Variants in HIVEP2 observed in about 807,000 individuals in gnomAD.
HIVEP2 encodes HIVEP zinc finger 2.
A neutral mutation model predicts 180.7 loss-of-function variants in HIVEP2; 14 were observed. That is an observed-to-expected ratio of 0.08 (90% CI 0.05 to 0.12). HIVEP2 has a LOEUF of 0.12. Among genes scored for constraint, HIVEP2 ranks in the 10% least tolerant of loss-of-function variants. HIVEP2 has a pLI of 1.00. For synonymous variants in HIVEP2, 1,184 were observed against 1,136.4 expected, an observed-to-expected ratio of 1.04 and a Z score of -0.84; for missense variants, 2,579 against 3,008.5, an observed-to-expected ratio of 0.86 and a Z score of 3.34.
At chr6:142,926,676 G>A (rs1054136962) in intron 1 of HIVEP2, among the ~76,000 whole-genome samples, 2 of 152,170 alleles carry the variant, frequency 1.3e-5, no homozygotes, top group Non-Finnish European at 2.9e-5. Context: ...TGGTCCCCGC[G>A]AGCCCAACTG....
At chr6:142,897,477 C>T (rs1050233072) in intron 1 of HIVEP2, among the ~76,000 whole-genome samples, 5 of 151,994 alleles carry the variant, frequency 3.3e-5, no homozygotes, top group Admixed American at 6.5e-5. Context: ...AATGGTAGAA[C>T]GAAGAGATTA....
Position 142,774,096 on chromosome 6 carries a change from G to T in HIVEP2, c.643C>A (p.Arg215=), listed in dbSNP as rs757837404. ...CCACAAGGTATACATGGATATGGCC[G>T]CTCCCCAGTATGGGACCTGATGTGT... ...KKHIRSHTGE[R]PYPCIPCGFS... The change falls in exon 5 of 10, where the codon CGG becomes AGG. Residue 215 remains arginine, a synonymous_variant. Transcript: ENST00000367603. The surrounding 1 kb of genome is among the most constrained non-coding windows in gnomAD (Gnocchi z 5.1). 1.7e-5 allele frequency: 27 copies of T among 1,614,128 alleles called. No individual in the cohort carries two copies. The highest frequency in any genetic ancestry group is 2.3e-5 in the Non-Finnish European group (27 of 1,180,022).
intron 2 of HIVEP2, among the ~76,000 whole-genome samples, chr6:142,820,885 G>A (rs1199009245): frequency 6.6e-6 from 1 of 152,114 alleles, no homozygotes; most frequent in Non-Finnish European, 1.5e-5. Flanking sequence ...TTCTCAGCCA[G>A]CACTCAGATT....
intron 2 of HIVEP2, among the ~76,000 whole-genome samples, chr6:142,803,773 C>G (rs1244459539): frequency 6.6e-6 from 1 of 152,088 alleles, no homozygotes; most frequent in African/African-American, 2.4e-5. Flanking sequence ...TAATCAAGGG[C>G]CACAATTCAC....
chr6:142,944,312 C>T (rs892495818), intron 1 of HIVEP2, among the ~76,000 whole-genome samples: 2 of 151,398 alleles, frequency 1.3e-5, no homozygotes, highest in Non-Finnish European at 2.9e-5. Flanking sequence ...GCGTATAAAG[C>T]GCACCGATCT....
chr6:142,780,699 T>C (rs945454653), intron 3 of HIVEP2, among the ~76,000 whole-genome samples: 4 of 152,244 alleles, frequency 2.6e-5, no homozygotes, highest in African/African-American at 7.2e-5. Flanking sequence ...AATCTATTAC[T>C]GAACATGGCA....
chr6:142,900,804 T>A (rs977733399), intron 1 of HIVEP2, among the ~76,000 whole-genome samples: 1 of 152,084 alleles, frequency 6.6e-6, no homozygotes, highest in African/African-American at 2.4e-5. Flanking sequence ...AATACACACA[T>A]AAAAATGCGT....
rs545845759 is a variant in HIVEP2, at chr6:142,916,248, G to A, written c.-641+28851C>T. On this transcript the variant is annotated intron_variant, in intron 1 of 9. Coordinates refer to ENST00000367603, the MANE Select transcript of HIVEP2 (RefSeq NM_006734.4). ...TGCCACCCTCCAATTTGTTCACCATGCAAAGCTCAACTACATAGTCCAAGT... is the reference window on the plus strand; with the variant it reads ...TGCCACCCTCCAATTTGTTCACCATACAAAGCTCAACTACATAGTCCAAGT... Among the ~76,000 whole-genome samples the A allele has an allele frequency of 6.6e-5, 10 of 152,300 alleles. No individual in the cohort carries two copies. The East Asian group carries it at 1.7e-3, about 26-fold the overall frequency.
chr6:142,825,309 C>T (rs992182248), intron 2 of HIVEP2, among the ~76,000 whole-genome samples: 1 of 152,056 alleles, frequency 6.6e-6, no homozygotes, highest in Non-Finnish European at 1.5e-5. Context: ...CACACACACA[C>T]ACACATCACA....
At chr6:142,815,699 T>G (rs1466626957) in intron 2 of HIVEP2, among the ~76,000 whole-genome samples, 1 of 152,238 alleles carries the variant, frequency 6.6e-6, no homozygotes, top group Non-Finnish European at 1.5e-5. Context: ...TCATTATCTG[T>G]CAGGCATTGT....
At chr6:142,853,316 T>G (rs1173365980) in intron 1 of HIVEP2, among the ~76,000 whole-genome samples, 3 of 152,222 alleles carry the variant, frequency 2.0e-5, no homozygotes, top group Non-Finnish European at 2.9e-5. Flanking sequence ...GACTCTAAGC[T>G]GGCTACCCAA....
At chr6:142,870,609 A>G (rs919829182) in intron 1 of HIVEP2, among the ~76,000 whole-genome samples, 2 of 152,162 alleles carry the variant, frequency 1.3e-5, no homozygotes, top group African/African-American at 4.8e-5. Flanking sequence ...TCACTTTAAC[A>G]TGGAACTCTA....
chr6:142,785,965 C>T (rs773143066), intron 2 of HIVEP2, among the ~76,000 whole-genome samples: 14 of 152,174 alleles, frequency 9.2e-5, no homozygotes, highest in Admixed American at 6.5e-4. Flanking sequence ...GATATGATAT[C>T]AATTGCAGCG....
At chr6:142,793,681 C>T (rs12174369) in intron 2 of HIVEP2, among the ~76,000 whole-genome samples, 69,077 of 125,084 alleles carry the variant, frequency 0.55, 18,065 homozygotes, top group East Asian at 0.67. Flanking sequence ...CTTTCTCTCT[C>T]TCTCTCTCTC....
intron 1 of HIVEP2, among the ~76,000 whole-genome samples, chr6:142,871,429 A>T (rs1047031357): frequency 7.2e-5 from 11 of 152,166 alleles, no homozygotes; most frequent in African/African-American, 2.7e-4. Context: ...CTTCTGAAGG[A>T]CTAGAAAAGA....
chr6:142,883,058 T>C (rs1776611331), intron 1 of HIVEP2, among the ~76,000 whole-genome samples: 1 of 152,220 alleles, frequency 6.6e-6, no homozygotes, highest in South Asian at 2.1e-4. Flanking sequence ...AGGATCTGCT[T>C]GAACAAAAAG....
At chr6:142,812,933 A>G (rs1284643770) in intron 2 of HIVEP2, among the ~76,000 whole-genome samples, 2 of 152,206 alleles carry the variant, frequency 1.3e-5, no homozygotes, top group African/African-American at 4.8e-5. Flanking sequence ...AAAGTGAAAC[A>G]GACAAAATAC....
At chr6:142,754,931 A>C (rs197473) in intron 9 of HIVEP2, among the ~76,000 whole-genome samples, 48,162 of 152,036 alleles carry the variant, frequency 0.32, 8,048 homozygotes, top group East Asian at 0.57. Flanking sequence ...ATTTTAATTA[A>C]TGTGATTCAT....
At chr6:142,845,221 G>T (rs1056033171) in intron 1 of HIVEP2, among the ~76,000 whole-genome samples, 1 of 152,200 alleles carries the variant, frequency 6.6e-6, no homozygotes, top group Non-Finnish European at 1.5e-5. Flanking sequence ...GGTTTTGCAA[G>T]AATAGAAGCA....
Sources: gnomAD v4.1 joint callset for allele counts (sites outside exome capture counted in the v4.1 genomes callset) on GRCh38, gnomAD v4.1.1 for gene constraint, Gnocchi (gnomAD v3.1) non-coding constraint, MANE v1.5 for transcripts, NCBI Gene and HGNC (gene_info 2026-07-23, HGNC 2026-07-21) for gene names.